The following SEZ6L variants were observed in gnomAD, a reference collection of about 807,000 sequenced individuals.
SEZ6L encodes seizure 6-like protein.
SEZ6L carries 37 observed loss-of-function variants against 106.2 expected under a neutral mutation model. The observed-to-expected ratio is 0.35, with a 90% CI of 0.27 to 0.46. SEZ6L has a LOEUF of 0.46. SEZ6L is among the 20% of genes least tolerant of loss of function. The pLI is 1.00. For synonymous variants in SEZ6L, 541 were observed against 570.4 expected, an observed-to-expected ratio of 0.95 and a Z score of 0.73; for missense variants, 1,172 against 1,332.8, an observed-to-expected ratio of 0.88 and a Z score of 1.88.
In SEZ6L at chr22:26,305,974, A is replaced by T; in HGVS notation, c.1349-5A>T. ...CCATTGCCCACCCACCCCTTTCTGGATCAGCTCCTTGTGGAGGGGCAGTGC... is the reference window on the plus strand; with the variant it reads ...CCATTGCCCACCCACCCCTTTCTGGTTCAGCTCCTTGTGGAGGGGCAGTGC... On this transcript the variant is annotated splice_polypyrimidine_tract_variant and splice_region_variant and intron_variant, in intron 5 of 16. Coordinates refer to ENST00000248933, the MANE Select transcript of SEZ6L (RefSeq NM_021115.5). 8 of 1,584,268 alleles carry T rather than the reference A, an allele frequency of 5.0e-6. No individual in the cohort carries two copies. The highest frequency in any genetic ancestry group is 6.9e-6 in the Non-Finnish European group (8 of 1,158,412).
chr22:26,287,002 C>A (rs953429675), intron 1 of SEZ6L, among the ~76,000 whole-genome samples: 1 of 151,686 alleles, frequency 6.6e-6, no homozygotes, highest in Non-Finnish European at 1.5e-5. Flanking sequence ...CCCACCTCAG[C>A]CTCCCAAAGT....
intron 1 of SEZ6L, among the ~76,000 whole-genome samples, chr22:26,182,211 A>T (rs1030335030): frequency 6.6e-6 from 1 of 152,240 alleles, no homozygotes; most frequent in Non-Finnish European, 1.5e-5. Flanking sequence ...ATTAGCATGC[A>T]TATGAATGAA....
At chr22:26,347,689 C>A in intron 10 of SEZ6L, 30 bp from the exon 11 acceptor site, 2 of 1,561,926 alleles carry the variant, frequency 1.3e-6, no homozygotes, top group Non-Finnish European at 1.7e-6. Context: ...ACTGCTTCCC[C>A]CATCTAAGAC....
intron 1 of SEZ6L, among the ~76,000 whole-genome samples, chr22:26,276,825 T>C (rs904259792): frequency 6.6e-6 from 1 of 152,192 alleles, no homozygotes; most frequent in Non-Finnish European, 1.5e-5. Flanking sequence ...GAGGAGTGTT[T>C]AAATGCTAAT....
Position 26,292,893 on chromosome 22 carries a change from T to A in SEZ6L, c.582T>A (p.Pro194=). ...TGGACCGAAAGGAGAGTGCGGTCCC[T>A]ACAACACCCGCACCCCTGCAAATCT... ...LWLDRKESAV[P]TTPAPLQISP... Residue 194 remains proline, a synonymous_variant, in exon 2 of 17, where the codon CCT becomes CCA. Transcript: ENST00000248933. 3 of 1,613,966 alleles carry A rather than the reference T, an allele frequency of 1.9e-6. No homozygotes were observed. Among genetic ancestry groups the A allele is most frequent in the East Asian group, 2.2e-5 (1 of 44,862 alleles).
intron 9 of SEZ6L, among the ~76,000 whole-genome samples, chr22:26,332,399 C>T (rs1305575493): frequency 1.3e-5 from 2 of 152,008 alleles, no homozygotes; most frequent in Non-Finnish European, 2.9e-5. Flanking sequence ...ATTCACTCAC[C>T]TCGGCCTCCC....
At chr22:26,218,401 C>T (rs2078358895) in intron 1 of SEZ6L, among the ~76,000 whole-genome samples, 1 of 152,200 alleles carries the variant, frequency 6.6e-6, no homozygotes, top group Non-Finnish European at 1.5e-5. Context: ...TGCTCTCCCT[C>T]CCCTTGCTCC....
At chr22:26,377,239 G>A (rs1005022043) in intron 15 of SEZ6L, among the ~76,000 whole-genome samples, 1 of 152,214 alleles carries the variant, frequency 6.6e-6, no homozygotes, top group Admixed American at 6.5e-5. Flanking sequence ...TGGCACCACT[G>A]CACTACAACC....
intron 1 of SEZ6L, among the ~76,000 whole-genome samples, chr22:26,263,369 C>G (rs35486390): frequency 7.9e-5 from 12 of 152,226 alleles, no homozygotes; most frequent in Non-Finnish European, 1.3e-4. Flanking sequence ...TATGCAAGTG[C>G]GCTTAGCACT....
rs1379614563 is a variant in SEZ6L, at chr22:26,290,871, TCTG to T, written c.95-1533_95-1531del. On this transcript the variant is annotated intron_variant, in intron 1 of 16. Transcript: ENST00000248933. Reference sequence around the variant, plus strand: ...TCTTCACACAGTCCTCTGTTCTGAATCTGCCTCGTGACTCTGAATCCTAAAACA... The same window carrying T: ...TCTTCACACAGTCCTCTGTTCTGAATCCTCGTGACTCTGAATCCTAAAACA... Among the ~76,000 whole-genome samples, 3 of 152,350 alleles carry T rather than the reference TCTG, an allele frequency of 2.0e-5. No homozygotes were observed. The East Asian group carries it at 5.8e-4, about 29-fold the overall frequency.
chr22:26,199,069 G>C (rs1214480503), intron 1 of SEZ6L, among the ~76,000 whole-genome samples: 1 of 152,150 alleles, frequency 6.6e-6, no homozygotes, highest in East Asian at 1.9e-4. Context: ...ATCAGCTCTG[G>C]ACAGGTCTCT....
At chr22:26,190,452 T>TA (rs1360693874) in intron 1 of SEZ6L, among the ~76,000 whole-genome samples, 4 of 152,224 alleles carry the variant, frequency 2.6e-5, no homozygotes, top group Non-Finnish European at 4.4e-5. Context: ...GATGATAGGT[T>TA]AAGCACGCTG....
intron 1 of SEZ6L, among the ~76,000 whole-genome samples, chr22:26,277,692 T>C (rs1281976741): frequency 1.3e-5 from 2 of 152,204 alleles, no homozygotes; most frequent in Non-Finnish European, 2.9e-5. Flanking sequence ...ACACCAAGTC[T>C]TGTTCTCAGC....
At position 26,359,206 on chromosome 22, in the gene SEZ6L, C is replaced by T. The variant is rs554480180; in HGVS notation, c.2600-6166C>T. Among the ~76,000 whole-genome samples the T allele has an allele frequency of 5.3e-5, 8 of 152,274 alleles. No individual in the cohort carries two copies. The East Asian group carries it at 1.5e-3, about 29-fold the overall frequency. On this transcript the variant is annotated intron_variant, in intron 12 of 16. Transcript: ENST00000248933. Reference sequence around the variant, plus strand: ...AGCTGGTTCCTGCTGGGGAAAAATTCCATATGACATTGTTTTCAAACTCTT... The same window carrying T: ...AGCTGGTTCCTGCTGGGGAAAAATTTCATATGACATTGTTTTCAAACTCTT...
intron 4 of SEZ6L, among the ~76,000 whole-genome samples, chr22:26,297,559 G>A (rs2081336149): frequency 6.6e-6 from 1 of 152,158 alleles, no homozygotes; most frequent in Non-Finnish European, 1.5e-5. Context: ...CTTCATTCAA[G>A]TTCACAGGCC....
chr22:26,347,134 TG>T (rs1472377390), intron 10 of SEZ6L, among the ~76,000 whole-genome samples: 2 of 151,720 alleles, frequency 1.3e-5, no homozygotes, highest in Non-Finnish European at 2.9e-5. Flanking sequence ...AGTTTGAGGC[TG>T]TGGAGAGCTA....
At chr22:26,234,508 A>C (rs967689605) in intron 1 of SEZ6L, among the ~76,000 whole-genome samples, 2 of 152,222 alleles carry the variant, frequency 1.3e-5, no homozygotes, top group Non-Finnish European at 1.5e-5. Context: ...TGGGAGAACG[A>C]ACGTCTTGCT....
intron 9 of SEZ6L, among the ~76,000 whole-genome samples, chr22:26,336,097 C>CT (rs1237126470): frequency 6.6e-6 from 1 of 152,188 alleles, no homozygotes; most frequent in Admixed American, 6.5e-5. Flanking sequence ...CATTGGTACT[C>CT]TGTCTAAGCC....
intron 1 of SEZ6L, among the ~76,000 whole-genome samples, chr22:26,208,786 A>T (rs1376818528): frequency 6.8e-6 from 1 of 146,170 alleles, no homozygotes; most frequent in East Asian, 2.0e-4. Flanking sequence ...GAATTTTTCA[A>T]CTATTATATA....
Sources: gnomAD v4.1 joint callset for allele counts (sites outside exome capture counted in the v4.1 genomes callset) on GRCh38, gnomAD v4.1.1 for gene constraint, MANE v1.5 for transcripts, NCBI Gene and HGNC (gene_info 2026-07-23, HGNC 2026-07-21) for gene names.